Variants in GRXCR1 observed in about 807,000 individuals in gnomAD.
GRXCR1 encodes glutaredoxin and cysteine rich domain containing 1, also known as glutaredoxin domain-containing cysteine-rich protein 1.
A neutral mutation model predicts 27.3 loss-of-function variants in GRXCR1; 27 were observed. The observed-to-expected ratio is 0.99, with a 90% CI of 0.73 to 1.37. The LOEUF is 1.37. Ranked by LOEUF, GRXCR1 falls within the 40% of genes most tolerant of loss-of-function variation. The probability of loss-of-function intolerance (pLI) is 0.00; values close to 1 mark genes in which losing one functional copy is unlikely to be tolerated. For synonymous variants in GRXCR1, 122 were observed against 131.1 expected, an observed-to-expected ratio of 0.93 and a Z score of 0.47; for missense variants, 379 against 354.4, an observed-to-expected ratio of 1.07 and a Z score of -0.56.
chr4:42,893,799 G>A, intron 1 of GRXCR1, 149 bp downstream of exon 1: 1 of 829,300 alleles, frequency 1.2e-6, no homozygotes, highest in Non-Finnish European at 2.0e-6. Context: ...TGTCCTAACA[G>A]CTATCAATTA....
At chr4:42,932,623 GAGA>G (rs1747354104) in intron 1 of GRXCR1, among the ~76,000 whole-genome samples, 1 of 27,086 alleles carries the variant, frequency 3.7e-5, no homozygotes, top group African/African-American at 1.3e-4. Flanking sequence ...TATATATAGA[GAGA>G]GAGAGAGAGA....
rs192285174 is a variant in GRXCR1, at chr4:42,910,436, T to G, written c.384+16786T>G. Among the ~76,000 whole-genome samples the G allele has an allele frequency of 2.2e-3, 333 of 152,278 alleles. 3 individuals are homozygous for G. The highest frequency in any genetic ancestry group is 0.014 in the Middle Eastern group (4 of 294). On this transcript the variant is annotated intron_variant, in intron 1 of 3. Coordinates refer to ENST00000399770, the MANE Select transcript of GRXCR1 (RefSeq NM_001080476.3). ...GGGAGATGCATTTATGGACTTTCTC[T>G]CATTTTTCTAAAGAGCTGCCCCAAG... is the stretch of plus-strand genomic sequence containing the variant.
intron 3 of GRXCR1, among the ~76,000 whole-genome samples, chr4:43,025,714 C>T (rs534453848): frequency 5.1e-4 from 78 of 152,292 alleles, no homozygotes; most frequent in Admixed American, 3.9e-3. Flanking sequence ...CGGTGGCTCA[C>T]GCCTGTAATC....
chr4:42,941,636 GT>G (rs1334289841), intron 1 of GRXCR1, among the ~76,000 whole-genome samples: 7 of 152,126 alleles, frequency 4.6e-5, no homozygotes, highest in African/African-American at 1.4e-4. Flanking sequence ...AGGCTCCAGA[GT>G]TGTGACCAAA....
intron 3 of GRXCR1, among the ~76,000 whole-genome samples, chr4:43,029,604 A>C (rs139471751): frequency 1.1e-4 from 17 of 152,152 alleles, no homozygotes; most frequent in African/African-American, 4.1e-4. Context: ...TCAACACACT[A>C]TCGGGCTATT....
In GRXCR1 at chr4:42,893,218, A is replaced by G. The variant is rs758498957; in HGVS notation, c.-49A>G. ...TATCTGGCAAGTGGACTAGTGCAGT[A>G]ACAACGGGTCCAGAATGCTGTAAAC... On this transcript the variant is annotated 5_prime_UTR_variant, in exon 1 of 4. Transcript: ENST00000399770. 7.5e-6 allele frequency: 12 copies of G among 1,610,500 alleles called. No homozygotes were observed. Among genetic ancestry groups the G allele is most frequent in the Non-Finnish European group, 1.0e-5 (12 of 1,177,910 alleles).
chr4:43,024,715 AT>A (rs1274541746), intron 3 of GRXCR1, among the ~76,000 whole-genome samples: 1 of 151,996 alleles, frequency 6.6e-6, no homozygotes, highest in Non-Finnish European at 1.5e-5. Context: ...GATTCTATTT[AT>A]TTTTTTAGCA....
chr4:42,945,007 G>A (rs907352084), intron 1 of GRXCR1, among the ~76,000 whole-genome samples: 6 of 152,044 alleles, frequency 3.9e-5, no homozygotes, highest in African/African-American at 1.2e-4. Context: ...GGTAAAGGAG[G>A]TGAATCCTTT....
intron 2 of GRXCR1, among the ~76,000 whole-genome samples, chr4:43,007,626 C>A (rs1712606752): frequency 6.6e-6 from 1 of 151,974 alleles, no homozygotes; most frequent in Admixed American, 6.6e-5. Context: ...GAAATGGATG[C>A]ATTTAAAATA....
intron 2 of GRXCR1, among the ~76,000 whole-genome samples, chr4:42,990,173 CTTTTTTTTTTTTTTTTTT>C (rs745784596): frequency 6.7e-4 from 31 of 46,230 alleles, no homozygotes; most frequent in African/African-American, 1.4e-3. Context: ...ATTATTAGTT[CTTTTTTTTTTTTTTTTTT>C]TTTTTTTTTT....
chr4:42,987,229 T>TTATATATATATATATATATATTATA (rs1349228105), intron 2 of GRXCR1, among the ~76,000 whole-genome samples: 1 of 92,236 alleles, frequency 1.1e-5, no homozygotes, highest in African/African-American at 4.2e-5. Flanking sequence ...ATATTATATA[T>TTATATATATATATATATATATTATA]TATATATATA....
At chr4:42,938,687 A>G (rs1747517550) in intron 1 of GRXCR1, among the ~76,000 whole-genome samples, 1 of 151,810 alleles carries the variant, frequency 6.6e-6, no homozygotes, top group African/African-American at 2.4e-5. Context: ...GTATATGGTG[A>G]GAGATATGGG....
chr4:42,964,000 G>T (rs562903136), intron 2 of GRXCR1, among the ~76,000 whole-genome samples: 31 of 152,054 alleles, frequency 2.0e-4, no homozygotes, highest in African/African-American at 7.2e-4. Flanking sequence ...CTCACATTTT[G>T]TTTCAGGGAA....
At chr4:42,935,221 A>C (rs1457243313) in intron 1 of GRXCR1, among the ~76,000 whole-genome samples, 1 of 151,938 alleles carries the variant, frequency 6.6e-6, no homozygotes, top group Non-Finnish European at 1.5e-5. Context: ...AGCTGCATGC[A>C]CTCAGAGACA....
chr4:42,971,221 A>G (rs1311191718), intron 2 of GRXCR1, among the ~76,000 whole-genome samples: 4 of 152,140 alleles, frequency 2.6e-5, no homozygotes, highest in Non-Finnish European at 5.9e-5. Context: ...ACAAGTTTCT[A>G]GGAAGTTCCA....
intron 2 of GRXCR1, among the ~76,000 whole-genome samples, chr4:43,009,125 G>A (rs770722587): frequency 4.1e-4 from 62 of 152,162 alleles, no homozygotes; most frequent in Non-Finnish European, 4.7e-4. Context: ...AGATTATGAA[G>A]GAATACCAGG....
At chr4:42,998,245 A>C (rs979128939) in intron 2 of GRXCR1, among the ~76,000 whole-genome samples, 8 of 152,160 alleles carry the variant, frequency 5.3e-5, no homozygotes, top group African/African-American at 1.4e-4. Context: ...TCTGTTGAAA[A>C]ACATCAGCAA....
chr4:43,006,409 C>T (rs1560685370), intron 2 of GRXCR1, among the ~76,000 whole-genome samples: 2 of 152,152 alleles, frequency 1.3e-5, no homozygotes, highest in Admixed American at 6.5e-5. Flanking sequence ...AATTCTTTTT[C>T]TCAGCATGGA....
At chr4:42,902,728 G>A (rs1237259484) in intron 1 of GRXCR1, among the ~76,000 whole-genome samples, 4 of 152,152 alleles carry the variant, frequency 2.6e-5, no homozygotes. Context: ...ATAGCTAATA[G>A]ATGCTGGGCT....
Sources: allele counts gnomAD v4.1 joint callset (sites outside exome capture counted in the v4.1 genomes callset), GRCh38; gene constraint gnomAD v4.1.1; transcripts MANE v1.5; gene names NCBI Gene and HGNC (gene_info 2026-07-23, HGNC 2026-07-21).